The following NRXN1 variants were observed in gnomAD, a reference collection of about 807,000 sequenced individuals.
NRXN1 encodes neurexin 1.
Under a neutral mutation model 150.9 loss-of-function variants are expected in NRXN1, and 39 were observed. That is an observed-to-expected ratio of 0.26 (90% CI 0.20 to 0.34). NRXN1 has a LOEUF of 0.34. NRXN1 is among the 10% of genes least tolerant of loss of function. The pLI is 1.00. For synonymous variants in NRXN1, 924 were observed against 757.0 expected, an observed-to-expected ratio of 1.22 and a Z score of -3.62; for missense variants, 1,815 against 1,949.9, an observed-to-expected ratio of 0.93 and a Z score of 1.30.
rs534889955 is a variant in NRXN1, at chr2:50,125,934, T to C, written c.3547-34440A>G. Among the ~76,000 whole-genome samples, 8 of 152,200 alleles carry C rather than the reference T, an allele frequency of 5.3e-5. No homozygotes were observed. The South Asian group carries it at 8.3e-4, about 16-fold the overall frequency. On this transcript the variant is annotated intron_variant, in intron 18 of 22. Coordinates refer to ENST00000401669, the MANE Select transcript of NRXN1 (RefSeq NM_001330078.2). ...ACTAAGATTTTTGAGCAAAAGATAG[T>C]TTTTGTTTTTGGAAAATTATGAGTA... is the stretch of plus-strand genomic sequence containing the variant.
intron 17 of NRXN1, among the ~76,000 whole-genome samples, chr2:50,427,031 C>T (rs572017302): frequency 3.3e-5 from 5 of 152,250 alleles, no homozygotes; most frequent in Admixed American, 1.3e-4. Context: ...CTTAGTGCTG[C>T]CACTCTTTAC....
In NRXN1 at chr2:50,978,281, TATATATATATATATATATATATATAAA is replaced by T. The variant is rs1483655888; in HGVS notation, c.772+49194_772+49220del. Among the ~76,000 whole-genome samples, 5 of 76,882 alleles carry T rather than the reference TATATATATATATATATATATATATAAA, an allele frequency of 6.5e-5. No individual in the cohort carries two copies. The South Asian group carries it at 1.7e-3, about 26-fold the overall frequency. 50.4% of individuals were successfully genotyped at this position (76,882 alleles called of 152,430 possible). A position where few individuals can be genotyped will look rare whatever the true frequency, so the allele number is the denominator to read the frequency against. The stretch of plus-strand genomic sequence containing the variant: ...AATATGGATATTATACATATATATA[TATATATATATATATATATATATATAAA>T]ATATATATATTATAGATAGATTTGT... On this transcript the variant is annotated intron_variant, in intron 2 of 22. Transcript: ENST00000401669.
chr2:50,518,575 C>A (rs2092693664), intron 12 of NRXN1, among the ~76,000 whole-genome samples: 1 of 151,768 alleles, frequency 6.6e-6, no homozygotes, highest in South Asian at 2.1e-4. Flanking sequence ...GCATATGGGT[C>A]CTGAGCATTT....
chr2:50,777,500 C>A (rs1030712856), intron 5 of NRXN1, among the ~76,000 whole-genome samples: 1 of 152,106 alleles, frequency 6.6e-6, no homozygotes, highest in Admixed American at 6.6e-5. Flanking sequence ...GGAGACCAGC[C>A]TATGTTGGCT....
chr2:50,605,197 T>C lies in NRXN1; in HGVS notation c.1320+14825A>G, dbSNP rs139013243. On this transcript the variant is annotated intron_variant, in intron 8 of 22. Transcript: ENST00000401669. ...CCTGTTTCTATGCTTATTTAGCATC[T>C]AGATCAGTGCCAATTATGTTGTGGT... 1.1e-4 allele frequency among the ~76,000 whole-genome samples: 17 copies of C among 152,372 alleles called. No homozygotes were observed. The East Asian group carries it at 3.3e-3, about 29-fold the overall frequency.
intron 5 of NRXN1, among the ~76,000 whole-genome samples, chr2:50,710,160 AGACTT>A (rs1350779020): frequency 6.6e-6 from 1 of 152,230 alleles, no homozygotes; most frequent in Non-Finnish European, 1.5e-5. Context: ...AAGGAGCTGC[AGACTT>A]GTATTACCAC....
chr2:50,433,254 A>G (rs1207734641), intron 17 of NRXN1, among the ~76,000 whole-genome samples: 6 of 152,220 alleles, frequency 3.9e-5, no homozygotes, highest in African/African-American at 1.2e-4. Flanking sequence ...ATAGAAATTC[A>G]TTACTGTTGA....
At chr2:50,385,596 G>A (rs1332194374) in intron 17 of NRXN1, among the ~76,000 whole-genome samples, 2 of 152,090 alleles carry the variant, frequency 1.3e-5, no homozygotes, top group African/African-American at 4.8e-5. Context: ...TTCTTTTCCT[G>A]AGCTGCACAC....
At chr2:50,760,301 C>T (rs1409678531) in intron 5 of NRXN1, among the ~76,000 whole-genome samples, 1 of 151,802 alleles carries the variant, frequency 6.6e-6, no homozygotes. Context: ...AGAGAAGGGG[C>T]CTTGTATTTT....
chr2:50,094,114 A>T (rs375199514), intron 18 of NRXN1, among the ~76,000 whole-genome samples: 1 of 152,238 alleles, frequency 6.6e-6, no homozygotes, highest in Non-Finnish European at 1.5e-5. Flanking sequence ...TAAGCAACTG[A>T]TATGTGGATA....
At chr2:50,038,853 A>C (rs72834744) in intron 21 of NRXN1, among the ~76,000 whole-genome samples, 56,693 of 147,980 alleles carry the variant, frequency 0.38, 11,353 homozygotes, top group Middle Eastern at 0.51. Context: ...CAAAACCAAC[A>C]AACAAACTAA....
At chr2:50,002,937 G>A (rs1558670647) in intron 21 of NRXN1, among the ~76,000 whole-genome samples, 1 of 152,090 alleles carries the variant, frequency 6.6e-6, no homozygotes, top group African/African-American at 2.4e-5. Flanking sequence ...TTACAAAACA[G>A]TCTTGAAACC....
At chr2:50,007,571 T>G (rs1020593207) in intron 21 of NRXN1, among the ~76,000 whole-genome samples, 7 of 152,180 alleles carry the variant, frequency 4.6e-5, no homozygotes, top group Non-Finnish European at 4.4e-5. Context: ...TCATCCTTTT[T>G]TATGGCTGCA....
intron 15 of NRXN1, among the ~76,000 whole-genome samples, chr2:50,487,767 T>C (rs772398338): frequency 2.0e-5 from 3 of 152,214 alleles, no homozygotes; most frequent in East Asian, 1.9e-4. Flanking sequence ...TTTGGGAATA[T>C]AGTAAACAAC....
chr2:50,482,263 A>C (rs563717087), intron 15 of NRXN1, among the ~76,000 whole-genome samples: 3 of 152,032 alleles, frequency 2.0e-5, no homozygotes, highest in Non-Finnish European at 4.4e-5. Context: ...AGAGTAATCC[A>C]TCTTCTTTTA....
rs2076055956 is a variant in NRXN1 at position 50,321,753 on chromosome 2, T to C, written c.3365-84783A>G. On this transcript the variant is annotated intron_variant, in intron 17 of 22. Coordinates refer to ENST00000401669, the MANE Select transcript of NRXN1 (RefSeq NM_001330078.2). The stretch of plus-strand genomic sequence containing the variant: ...CATTAGATTTAATACTATCTTCCAT[T>C]CTACAATATTGTATAATATCCCATT... Among the ~76,000 whole-genome samples the C allele has an allele frequency of 2.6e-5, 4 of 152,212 alleles. No individual in the cohort carries two copies. The South Asian group carries it at 8.3e-4, about 32-fold the overall frequency.
At chr2:50,996,584 T>G (rs1270138658) in intron 2 of NRXN1, among the ~76,000 whole-genome samples, 1 of 152,072 alleles carries the variant, frequency 6.6e-6, no homozygotes, top group Non-Finnish European at 1.5e-5. Context: ...CAGATCTGCA[T>G]GTACCTGGCT....
chr2:50,870,082 T>C (rs1424364292), intron 5 of NRXN1, among the ~76,000 whole-genome samples: 1 of 151,884 alleles, frequency 6.6e-6, no homozygotes, highest in Non-Finnish European at 1.5e-5. Flanking sequence ...ATTATCATAA[T>C]TTTGCCAATA....
In NRXN1 at chr2:50,043,115, C is replaced by A. The variant is rs549419381; in HGVS notation, c.4128+10156G>T. 1.1e-4 allele frequency among the ~76,000 whole-genome samples: 16 copies of A among 152,230 alleles called. No individual in the cohort carries two copies. In the South Asian group the frequency reaches 3.1e-3, roughly 30 times the overall value. On this transcript the variant is annotated intron_variant, in intron 21 of 22. Coordinates refer to ENST00000401669, the MANE Select transcript of NRXN1 (RefSeq NM_001330078.2). ...CCAAATACAAATTTCAGACTAGATT[C>A]TTTATACATGTGTTTTTTTACTTTT...
Sources: gnomAD v4.1 joint callset for allele counts (sites outside exome capture counted in the v4.1 genomes callset) on GRCh38, gnomAD v4.1.1 for gene constraint, MANE v1.5 for transcripts, NCBI Gene and HGNC (gene_info 2026-07-23, HGNC 2026-07-21) for gene names.